Variants in EXOC4 observed in about 807,000 individuals in gnomAD.
EXOC4 encodes exocyst complex component 4.
In EXOC4, 71 loss-of-function variants were observed where a neutral mutation model predicts 107.2. The ratio of observed to expected loss-of-function variants is 0.66; its 90% CI spans 0.55 to 0.81. The LOEUF (loss-of-function observed/expected upper bound fraction) is 0.81, where lower values mean the gene tolerates loss of function less well. Ranked by LOEUF, EXOC4 falls within the 30% of genes least tolerant of loss-of-function variation. The probability of loss-of-function intolerance (pLI) is 0.00; values close to 1 mark genes in which losing one functional copy is unlikely to be tolerated. For synonymous variants in EXOC4, 456 were observed against 441.2 expected (o/e 1.03, Z -0.42); for missense variants, 1,108 against 1,189.6 (o/e 0.93, Z 1.01).
chr7:133,684,968 A>G (rs747610734), intron 10 of EXOC4, among the ~76,000 whole-genome samples: 2 of 152,192 alleles, frequency 1.3e-5, no homozygotes, highest in Non-Finnish European at 2.9e-5. Flanking sequence ...AAATCCAATC[A>G]GCAAAGGGAG....
chr7:133,863,318 A>G (rs771232962), intron 11 of EXOC4, among the ~76,000 whole-genome samples: 6 of 152,238 alleles, frequency 3.9e-5, no homozygotes, highest in Admixed American at 2.6e-4. Context: ...GAATATCTTT[A>G]TGACTTGCAA....
chr7:133,314,531 A>G (rs1794946272), intron 4 of EXOC4, among the ~76,000 whole-genome samples: 1 of 152,200 alleles, frequency 6.6e-6, no homozygotes, highest in Admixed American at 6.5e-5. Flanking sequence ...TATATTTTTC[A>G]GAGTTGAAAT....
At chr7:134,019,346 A>G (rs1241263649) in intron 17 of EXOC4, among the ~76,000 whole-genome samples, 2 of 152,154 alleles carry the variant, frequency 1.3e-5, no homozygotes, top group Non-Finnish European at 2.9e-5. Flanking sequence ...AAACAAGGAA[A>G]GCTCCTGCAA....
chr7:133,310,432 C>T (rs1295901167), intron 4 of EXOC4, among the ~76,000 whole-genome samples: 1 of 152,142 alleles, frequency 6.6e-6, no homozygotes, highest in Admixed American at 6.5e-5. Flanking sequence ...CCTTCAAGGT[C>T]CTCTGCTGAT....
intron 3 of EXOC4, among the ~76,000 whole-genome samples, chr7:133,298,709 G>C (rs1378087775): frequency 6.6e-6 from 1 of 152,182 alleles, no homozygotes; most frequent in Non-Finnish European, 1.5e-5. Context: ...CCTTTTAGAA[G>C]AAATAAGGCT....
intron 17 of EXOC4, among the ~76,000 whole-genome samples, chr7:134,038,136 T>C (rs1795434030): frequency 6.6e-6 from 1 of 151,340 alleles, no homozygotes; most frequent in South Asian, 2.1e-4. Context: ...GGCTAAGGAG[T>C]CGCAGTATCG....
intron 11 of EXOC4, among the ~76,000 whole-genome samples, chr7:133,857,098 A>G (rs1414746045): frequency 9.1e-6 from 1 of 109,292 alleles, no homozygotes; most frequent in Non-Finnish European, 1.8e-5. Context: ...CTCCGTCTTT[A>G]TATATATATA....
intron 5 of EXOC4, among the ~76,000 whole-genome samples, chr7:133,351,248 T>C (rs2633388): frequency 0.99 from 150,887 of 152,120 alleles, 74,839 homozygotes; most frequent in East Asian, 1. Context: ...TTTATTCCTT[T>C]TTCTAGAATT....
intron 10 of EXOC4, among the ~76,000 whole-genome samples, chr7:133,648,201 AT>A (rs898204955): frequency 6.6e-6 from 1 of 152,226 alleles, no homozygotes; most frequent in African/African-American, 2.4e-5. Context: ...GGTTGCCTCT[AT>A]TGCCAAAGAG....
At chr7:133,492,858 A>AT (rs200605199) in intron 9 of EXOC4, among the ~76,000 whole-genome samples, 3,198 of 149,648 alleles carry the variant, frequency 0.021, 111 homozygotes, top group African/African-American at 0.071. Flanking sequence ...AAGGTAAGTG[A>AT]TTTTTTTTTT....
chr7:134,082,220 C>T, the EXOC4 span, among the ~76,000 whole-genome samples: 6 of 152,114 alleles, frequency 3.9e-5, no homozygotes, highest in East Asian at 1.9e-4. Flanking sequence ...TGCTAAACAA[C>T]GGGTAGATTA....
chr7:133,550,965 A>G (rs1218144672), intron 9 of EXOC4, among the ~76,000 whole-genome samples: 1 of 151,862 alleles, frequency 6.6e-6, no homozygotes, highest in Non-Finnish European at 1.5e-5. Context: ...GCTTTCCCTG[A>G]AAAAGAAATT....
Position 133,305,873 on chromosome 7 carries a change from T to G in EXOC4, c.472-4T>G. 6.3e-7 allele frequency: 1 copy of G among 1,587,650 alleles called. No individual in the cohort carries two copies. The highest frequency in any genetic ancestry group is 1.4e-5 in the African/African-American group (1 of 73,558). On this transcript the variant is annotated splice_polypyrimidine_tract_variant and splice_region_variant and intron_variant, in intron 3 of 17. Coordinates refer to ENST00000253861, the MANE Select transcript of EXOC4 (RefSeq NM_021807.4). ...AATTGTCTTTCATTTTTTTCTCTTT[T>G]CAGGTGTCAGCAGTTGAGTCTTTGG... is the stretch of plus-strand genomic sequence containing the variant.
At chr7:133,925,900 A>G (rs1370781804) in intron 13 of EXOC4, among the ~76,000 whole-genome samples, 2 of 152,042 alleles carry the variant, frequency 1.3e-5, no homozygotes, top group East Asian at 3.9e-4. Flanking sequence ...TTAGCTGGGC[A>G]TGGTTATACG....
chr7:134,019,052 C>T (rs369352601), intron 17 of EXOC4, among the ~76,000 whole-genome samples: 1 of 152,122 alleles, frequency 6.6e-6, no homozygotes, highest in East Asian at 1.9e-4. Flanking sequence ...GCCTCAGCCT[C>T]CTGAGTAGCT....
chr7:133,626,517 G>A (rs144201151), intron 9 of EXOC4, among the ~76,000 whole-genome samples: 232 of 152,316 alleles, frequency 1.5e-3, no homozygotes, highest in Non-Finnish European at 2.6e-3. Context: ...AACTGGAAGA[G>A]TATATGAGGT....
At chr7:133,798,199 T>C (rs1235575795) in intron 10 of EXOC4, among the ~76,000 whole-genome samples, 1 of 152,104 alleles carries the variant, frequency 6.6e-6, no homozygotes, top group African/African-American at 2.4e-5. Flanking sequence ...TCAACATTTC[T>C]TATTTGTAAG....
In EXOC4 at chr7:133,288,777, T is replaced by A. The variant is rs1440058091; in HGVS notation, c.277-145T>A. ...TCTATGTCAGAACCAGGATTAGAAT[T>A]TTGGAGGCAGACCAAGGAGAATAAG... is the stretch of plus-strand genomic sequence containing the variant. On this transcript the variant is annotated intron_variant, in intron 2 of 17. Transcript: ENST00000253861. 4.9e-6 allele frequency: 3 copies of A among 610,868 alleles called. No individual in the cohort carries two copies. In the African/African-American group the frequency reaches 5.5e-5, roughly 11 times the overall value. 37.8% of individuals were successfully genotyped at this position (610,868 alleles called of 1,614,324 possible).
intron 10 of EXOC4, among the ~76,000 whole-genome samples, chr7:133,803,483 T>G (rs767042031): frequency 1.2e-4 from 18 of 152,202 alleles, no homozygotes; most frequent in Non-Finnish European, 1.5e-5. Context: ...GACAGCTGTT[T>G]TATCTTCTGT....
Sources: allele counts gnomAD v4.1 joint callset (sites outside exome capture counted in the v4.1 genomes callset), GRCh38; gene constraint gnomAD v4.1.1; transcripts MANE v1.5; gene names NCBI Gene and HGNC (gene_info 2026-07-23, HGNC 2026-07-21).